FAM153A: variants seen among roughly 807,000 people sequenced by gnomAD.
The protein encoded by FAM153A is family with sequence similarity 153 member A, also known as protein FAM153A.
Under a neutral mutation model 48.1 loss-of-function variants are expected in FAM153A, and 12 were observed. The ratio of observed to expected loss-of-function variants is 0.25; its 90% CI spans 0.16 to 0.40. The LOEUF (loss-of-function observed/expected upper bound fraction) is 0.40, where lower values mean the gene tolerates loss of function less well. Among genes scored for constraint, FAM153A ranks in the 10% least tolerant of loss-of-function variants. The pLI is 1.00. For synonymous variants in FAM153A, 36 were observed against 118.2 expected (o/e 0.30, Z 4.51); for missense variants, 111 against 345.8 (o/e 0.32, Z 5.38).
chr5:177,715,686 G>A (rs1759578134), intron 25 of FAM153A, among the ~76,000 whole-genome samples: 2 of 151,732 alleles, frequency 1.3e-5, no homozygotes, highest in South Asian at 2.1e-4. Flanking sequence ...GTCATCTTAT[G>A]GATTAAACAC....
At chr5:177,715,315 A>C (rs531944894) in intron 25 of FAM153A, among the ~76,000 whole-genome samples, 1 of 147,612 alleles carries the variant, frequency 6.8e-6, no homozygotes, top group East Asian at 2.0e-4. Flanking sequence ...ATATTATAAC[A>C]AGAAAGATGT....
In FAM153A at chr5:177,766,662, T is replaced by TA. The variant is rs1453245227; in HGVS notation, c.-57+13786dup. ...CTATGGCGAAACCTTTACTTTGCCCTAAAGCCTTTGATGGTAAAATAAGAT... is the reference window on the plus strand; with the variant it reads ...CTATGGCGAAACCTTTACTTTGCCCTAAAAGCCTTTGATGGTAAAATAAGAT... On this transcript the variant is annotated intron_variant, in intron 1 of 8. Coordinates refer to the FAM153A transcript ENST00000393518. Among the ~76,000 whole-genome samples the TA allele has an allele frequency of 3.3e-5, 3 of 90,864 alleles. 1 individual carries two copies. The highest frequency in any genetic ancestry group is 6.8e-5 in the Non-Finnish European group (3 of 44,424). The allele number at this position is 90,864 out of a possible 152,430, so 59.6% of individuals were successfully genotyped here.
Position 177,761,164 on chromosome 5 carries a change from A to G in FAM153A, c.-56-12465T>C, listed in dbSNP as rs866912552. On this transcript the variant is annotated intron_variant, in intron 1 of 8. Transcript: ENST00000393518. ...GACTACCACCCACACTTCCACACCCACTCAGCCCAGCTGCAGCAGCTTGGC... is the reference window on the plus strand; with the variant it reads ...GACTACCACCCACACTTCCACACCCGCTCAGCCCAGCTGCAGCAGCTTGGC... Among the ~76,000 whole-genome samples the G allele has an allele frequency of 8.4e-3, 1,270 of 150,390 alleles. 7 individuals are homozygous for G. Among genetic ancestry groups the G allele is most frequent in the African/African-American group, 0.03 (1,198 of 40,356 alleles).
intron 10 of FAM153A, among the ~76,000 whole-genome samples, chr5:177,737,695 T>C (rs577901316): frequency 3.3e-5 from 5 of 151,482 alleles, no homozygotes; most frequent in Non-Finnish European, 5.9e-5. Flanking sequence ...TAATTCTGTA[T>C]TTTTAGGAGA....
At chr5:177,697,652 A>G in the FAM153A span, among the ~76,000 whole-genome samples, 2 of 151,866 alleles carry the variant, frequency 1.3e-5, no homozygotes, top group Non-Finnish European at 2.9e-5. Context: ...CAGTCCTAGG[A>G]TCTGGGTCCC....
At chr5:177,715,209 C>T (rs953414803) in intron 25 of FAM153A, among the ~76,000 whole-genome samples, 4 of 151,760 alleles carry the variant, frequency 2.6e-5, no homozygotes, top group Non-Finnish European at 2.9e-5. Context: ...GTCTCAAACT[C>T]CTGACCTTGT....
At chr5:177,781,864 G>A (rs1301362365), upstream of FAM153A, among the ~76,000 whole-genome samples, 8 of 91,286 alleles carry the variant, frequency 8.8e-5, 1 homozygote, top group Admixed American at 6.9e-4. Flanking sequence ...GACTACAGGC[G>A]CCCGCCACCA....
intron 1 of FAM153A, among the ~76,000 whole-genome samples, chr5:177,768,421 C>G (rs1434764900): frequency 1.3e-5 from 2 of 150,464 alleles, no homozygotes; most frequent in African/African-American, 2.4e-5. Flanking sequence ...CTGAATGAGA[C>G]AGAAGATCTC....
intron 1 of FAM153A, among the ~76,000 whole-genome samples, chr5:177,765,783 C>T (rs1249266172): frequency 1.6e-5 from 2 of 122,958 alleles, no homozygotes; most frequent in Non-Finnish European, 1.8e-5. Context: ...AAATGAGGAC[C>T]TACAGTTGTG....
At chr5:177,705,724 A>G (rs1373294720), downstream of FAM153A, among the ~76,000 whole-genome samples, 2 of 130,832 alleles carry the variant, frequency 1.5e-5, no homozygotes, top group Non-Finnish European at 3.1e-5. Flanking sequence ...CAGTGACATG[A>G]TCTCGGCTCA....
exon 27 of FAM153A, chr5:177,711,280 T>C (rs570502718): frequency 6.6e-6 from 1 of 152,024 alleles, no homozygotes; most frequent in Admixed American, 6.5e-5. Flanking sequence ...ACAATGTTAA[T>C]AATAACCACC....
intron 24 of FAM153A, chr5:177,717,069 C>T (rs2650343): frequency 6.7e-6 from 1 of 149,744 alleles, no homozygotes; most frequent in Admixed American, 6.7e-5. Context: ...GCTAGGATTA[C>T]AGGCATGAGC....
rs1414478694 is a variant in FAM153A, at chr5:177,733,751, G to GA, written c.760+628_760+629insT. On this transcript the variant is annotated intron_variant, in intron 14 of 20. Transcript: ENST00000614127. ...GGAAGGGGCTAGAGTGAGGTGTCAT[G>GA]CCATTCTAGTGGCAAGAGGAAATAG... 1.2e-4 allele frequency among the ~76,000 whole-genome samples: 18 copies of GA among 144,272 alleles called. No individual in the cohort carries two copies. The East Asian group carries it at 2.4e-3, about 19-fold the overall frequency. 94.6% of individuals were successfully genotyped at this position (144,272 alleles called of 152,430 possible).
At chr5:177,705,082 T>A (rs533101352), downstream of FAM153A, among the ~76,000 whole-genome samples, 45 of 149,924 alleles carry the variant, frequency 3.0e-4, no homozygotes, top group South Asian at 9.3e-3. Context: ...GGTGGGTGGA[T>A]CACTTGAGGT....
In FAM153A at chr5:177,765,249, AGAC is replaced by A. The variant is rs1582522866; in HGVS notation, c.-57+15197_-57+15199del. ...TGGGCATCTGCACTTGGCCTAATAA[AGAC>A]AACAGTGAACATCTGGGCCATCCCC... On this transcript the variant is annotated intron_variant, in intron 1 of 8. Coordinates refer to the FAM153A transcript ENST00000393518. 2.0e-5 allele frequency among the ~76,000 whole-genome samples: 2 copies of A among 99,062 alleles called. 1 individual carries two copies. The highest frequency in any genetic ancestry group is 8.0e-5 in the African/African-American group (2 of 25,040). The allele number at this position is 99,062 out of a possible 152,430, so 65.0% of individuals were successfully genotyped here.
intron 18 of FAM153A, among the ~76,000 whole-genome samples, chr5:177,728,337 T>C (rs1476458666): frequency 6.7e-6 from 1 of 148,726 alleles, no homozygotes; most frequent in East Asian, 2.0e-4. Flanking sequence ...TGATGGAATT[T>C]TTCTTGGACA....
chr5:177,738,888 C>A (rs1197875105), intron 10 of FAM153A, among the ~76,000 whole-genome samples: 2 of 151,312 alleles, frequency 1.3e-5, no homozygotes, highest in African/African-American at 2.5e-5. Flanking sequence ...CCGCCCCCCA[C>A]CTTGATGCAC....
chr5:177,712,585 G>A (rs1758655950), exon 27 of FAM153A: 1 of 151,842 alleles, frequency 6.6e-6, no homozygotes, highest in African/African-American at 2.4e-5. Context: ...GACACTCAAG[G>A]CTGGTATACC....
At chr5:177,728,631 A>C (rs1350543749) in intron 18 of FAM153A, among the ~76,000 whole-genome samples, 3 of 149,424 alleles carry the variant, frequency 2.0e-5, no homozygotes, top group Admixed American at 2.0e-4. Flanking sequence ...GCAATGGCAC[A>C]ACCTTGGCTC....
Sources: allele counts gnomAD v4.1 joint callset (sites outside exome capture counted in the v4.1 genomes callset), GRCh38; gene constraint gnomAD v4.1.1; transcripts MANE v1.5; gene names NCBI Gene and HGNC (gene_info 2026-07-23, HGNC 2026-07-21).